VPS35L: variants seen among roughly 807,000 people sequenced by gnomAD.
VPS35L encodes VPS35 endosomal protein-sorting factor-like.
In VPS35L, 83 loss-of-function variants were observed where a neutral mutation model predicts 133.0. The ratio of observed to expected loss-of-function variants is 0.62; its 90% CI spans 0.52 to 0.75. The LOEUF is 0.75. Ranked by LOEUF, VPS35L falls within the 30% of genes least tolerant of loss-of-function variation. The pLI, the probability that VPS35L is intolerant of heterozygous loss-of-function variation, is 0.00. For synonymous variants in VPS35L, 423 were observed against 449.9 expected (o/e 0.94, Z 0.76); for missense variants, 1,083 against 1,206.8 (o/e 0.90, Z 1.52).
chr16:19,682,537 T>C (rs903193227), intron 28 of VPS35L, 147 bp downstream of exon 28: 10 of 941,372 alleles, frequency 1.1e-5, no homozygotes, highest in African/African-American at 3.3e-5. Context: ...ATTTACCTGA[T>C]CTAAGATTTA....
chr16:19,639,691 G>A lies in VPS35L; in HGVS notation c.1699-324G>A, dbSNP rs950317109. Among the ~76,000 whole-genome samples the A allele has an allele frequency of 2.0e-5, 3 of 152,066 alleles. No homozygotes were observed. Among genetic ancestry groups the A allele is most frequent in the African/African-American group, 7.2e-5 (3 of 41,406 alleles). On this transcript the variant is annotated intron_variant, in intron 20 of 30. Coordinates refer to ENST00000417362, the MANE Select transcript of VPS35L (RefSeq NM_020314.7). The surrounding 1 kb of genome is among the most constrained non-coding windows in gnomAD (Gnocchi z 4.1). Reference sequence around the variant, plus strand: ...CTACAGGCATGCATCACCATGCCTGGTTTATTTTTGTATTTTTAGTAGAGA... The same window carrying A: ...CTACAGGCATGCATCACCATGCCTGATTTATTTTTGTATTTTTAGTAGAGA...
chr16:19,660,016 C>T (rs1293137786), intron 26 of VPS35L, among the ~76,000 whole-genome samples: 1 of 152,116 alleles, frequency 6.6e-6, no homozygotes, highest in African/African-American at 2.4e-5. Context: ...ACCCTTGGAA[C>T]ATCTTGTCTT....
At chr16:19,652,127 G>C (rs1254109312) in intron 26 of VPS35L, 37 bp downstream of exon 26, 2 of 1,424,800 alleles carry the variant, frequency 1.4e-6, no homozygotes, top group Admixed American at 1.9e-5. Context: ...GCACTCCCTT[G>C]CTGCTTAGGA....
chr16:19,657,193 C>T (rs143452172), intron 26 of VPS35L, among the ~76,000 whole-genome samples: 8,945 of 152,038 alleles, frequency 0.059, 509 homozygotes, highest in African/African-American at 0.14. Context: ...TCTCAAACTC[C>T]TGAACTCTGG....
chr16:19,602,058 GA>G (rs928595459), intron 9 of VPS35L, among the ~76,000 whole-genome samples: 7 of 145,310 alleles, frequency 4.8e-5, no homozygotes, highest in African/African-American at 1.5e-4. Flanking sequence ...AACTTGCTTG[GA>G]AAAAAAAATC....
chr16:19,616,256 C>A, intron 13 of VPS35L, 65 bp downstream of exon 13: 1 of 1,446,654 alleles, frequency 6.9e-7, no homozygotes. Context: ...TTCACAAAAC[C>A]CAGTTGGTTT....
intron 1 of VPS35L, among the ~76,000 whole-genome samples, chr16:19,561,558 A>G (rs866503199): frequency 2.6e-5 from 4 of 152,124 alleles, no homozygotes; most frequent in Admixed American, 1.3e-4. Flanking sequence ...GACTAGTTGC[A>G]CGGCACAATT....
chr16:19,650,541 G>A, intron 25 of VPS35L, 82 bp downstream of exon 25: 2 of 1,117,088 alleles, frequency 1.8e-6, no homozygotes, highest in Admixed American at 1.8e-5. Flanking sequence ...ACATTTCCCA[G>A]AAAAAGATGA....
rs373233758 is a variant in VPS35L at position 19,610,444 on chromosome 16, G to A, written c.1023+29G>A. ...GGCCATGCGAGTCACTGCCCTTGACGGCACGGCTGCCACCCGTCTCCTTGA... is the reference window on the plus strand; with the variant it reads ...GGCCATGCGAGTCACTGCCCTTGACAGCACGGCTGCCACCCGTCTCCTTGA... On this transcript the variant is annotated intron_variant, in intron 12 of 30. Coordinates refer to ENST00000417362, the MANE Select transcript of VPS35L (RefSeq NM_020314.7). 3.3e-4 allele frequency: 521 copies of A among 1,572,992 alleles called. 2 individuals carry two copies. The highest frequency in any genetic ancestry group is 2.0e-3 in the African/African-American group (151 of 74,046).
rs1377535097 is a variant in VPS35L at position 19,642,447 on chromosome 16, T to C, written c.1836T>C (p.His612=). The C allele has an allele frequency of 1.9e-6, 3 of 1,614,020 alleles. No individual in the cohort carries two copies. Among genetic ancestry groups the C allele is most frequent in the Admixed American group, 1.7e-5 (1 of 60,026 alleles). The change falls in exon 22 of 31, where the codon CAT becomes CAC. Residue 612 remains histidine (H), a synonymous_variant. Transcript: ENST00000417362. ...CGGTCATCTTGAATGCCCTTTTGCA[T>C]GTTTGCAAGACCATGCATGACTCTG... ...KDPVILNALL[H]VCKTMHDSVN...
At chr16:19,666,878 TTCTTTCTTTCTTTC>T (rs1974683007) in intron 26 of VPS35L, among the ~76,000 whole-genome samples, 1 of 91,046 alleles carries the variant, frequency 1.1e-5, no homozygotes, top group Middle Eastern at 5.4e-3. Flanking sequence ...ATGTTTTTCT[TTCTTTCTTTCTTTC>T]TTTCTTTCTT....
intron 6 of VPS35L, chr16:19,579,360 T>C: frequency 6.3e-6 from 3 of 479,152 alleles, no homozygotes; most frequent in Non-Finnish European, 1.1e-5. Context: ...TTGTGATGCC[T>C]GAGCAAGGCT....
At chr16:19,645,121 A>G (rs1260897720) in intron 23 of VPS35L, among the ~76,000 whole-genome samples, 172 bp downstream of exon 23, 1 of 151,430 alleles carries the variant, frequency 6.6e-6, no homozygotes, top group African/African-American at 2.4e-5. Context: ...GGGCAAAGAG[A>G]GCCAAGACAA....
chr16:19,618,933 T>TC (rs1972986119), intron 14 of VPS35L, among the ~76,000 whole-genome samples: 1 of 151,424 alleles, frequency 6.6e-6, no homozygotes, highest in African/African-American at 2.4e-5. Context: ...TTTTTTTTTT[T>TC]TTTCTTTCTT....
At chr16:19,612,262 T>C (rs937493223) in intron 12 of VPS35L, among the ~76,000 whole-genome samples, 4 of 150,156 alleles carry the variant, frequency 2.7e-5, no homozygotes, top group South Asian at 2.1e-4. Context: ...TTGTTTTGTT[T>C]TGTTTTTTTG....
chr16:19,557,479 G>A (rs1970897741), intron 1 of VPS35L, among the ~76,000 whole-genome samples: 1 of 152,034 alleles, frequency 6.6e-6, no homozygotes, highest in Non-Finnish European at 1.5e-5. Context: ...TCCGCCTCCC[G>A]GCTCAAGTGA....
Position 19,624,107 on chromosome 16 carries a change from C to CTT in VPS35L, c.1225-2044_1225-2043dup, listed in dbSNP as rs1182015325. The stretch of plus-strand genomic sequence containing the variant: ...GCATGAGCCATCGTGCCTACCAGGT[C>CTT]TTTTTTTTTTTTTTTTTTTTTTTTT... On this transcript the variant is annotated intron_variant, in intron 14 of 30. Transcript: ENST00000417362. 5.5e-3 allele frequency among the ~76,000 whole-genome samples: 363 copies of CTT among 65,866 alleles called. 67 individuals are homozygous for CTT. The highest frequency in any genetic ancestry group is 0.018 in the African/African-American group (298 of 16,484). The allele number at this position is 65,866 out of a possible 152,430, so 43.2% of individuals were successfully genotyped here.
In VPS35L at chr16:19,578,820, C is replaced by T. The variant is rs533603489; in HGVS notation, c.434-232C>T. Reference sequence around the variant, plus strand: ...TGTAAATCTCAAATGCAGCGGTTAACCTCTTTGAGGCTGGCCCACTGGGCT... The same window carrying T: ...TGTAAATCTCAAATGCAGCGGTTAATCTCTTTGAGGCTGGCCCACTGGGCT... On this transcript the variant is annotated intron_variant, in intron 5 of 30. Coordinates refer to ENST00000417362, the MANE Select transcript of VPS35L (RefSeq NM_020314.7). 2.9e-4 allele frequency: 161 copies of T among 555,454 alleles called. 3 individuals carry two copies. The South Asian group carries it at 3.3e-3, about 11-fold the overall frequency. The allele number at this position is 555,454 out of a possible 1,614,324, so 34.4% of individuals were successfully genotyped here.
chr16:19,609,664 G>A (rs910987545), intron 11 of VPS35L, among the ~76,000 whole-genome samples: 13 of 152,226 alleles, frequency 8.5e-5, no homozygotes, highest in Admixed American at 5.9e-4. Flanking sequence ...CTTGAAGCCC[G>A]GGAGTGACTG....
Sources: allele counts gnomAD v4.1 joint callset (sites outside exome capture counted in the v4.1 genomes callset), GRCh38; gene constraint gnomAD v4.1.1; non-coding constraint Gnocchi (gnomAD v3.1); transcripts MANE v1.5; gene names NCBI Gene and HGNC (gene_info 2026-07-23, HGNC 2026-07-21).